The following ELF1 variants were observed in gnomAD, a reference collection of about 807,000 sequenced individuals.
The protein encoded by ELF1 is E74 like ETS transcription factor 1, also known as ETS-related transcription factor Elf-1.
A neutral mutation model predicts 59.9 loss-of-function variants in ELF1; 24 were observed. That is an observed-to-expected ratio of 0.40 (90% CI 0.29 to 0.56). The LOEUF is 0.56. Among genes scored for constraint, ELF1 ranks in the 20% least tolerant of loss-of-function variants. The pLI is 0.44. For missense variants in ELF1, 627 were observed against 742.2 expected (o/e 0.84, Z 1.80); for synonymous variants, 248 against 266.2 (o/e 0.93, Z 0.67).
At chr13:40,964,077 G>T (rs1356898251) in intron 2 of ELF1, among the ~76,000 whole-genome samples, 1 of 152,072 alleles carries the variant, frequency 6.6e-6, no homozygotes, top group Non-Finnish European at 1.5e-5. Context: ...GCTGATCTGG[G>T]CTCATGATGA....
At chr13:41,032,010 T>C (rs1876185228) in intron 1 of ELF1, among the ~76,000 whole-genome samples, 1 of 151,984 alleles carries the variant, frequency 6.6e-6, no homozygotes, top group South Asian at 2.1e-4. Context: ...ATTCTTTTTA[T>C]CTTATAGCAG....
chr13:40,949,032 C>T (rs1240779193), intron 5 of ELF1, among the ~76,000 whole-genome samples: 1 of 152,140 alleles, frequency 6.6e-6, no homozygotes, highest in East Asian at 1.9e-4. Flanking sequence ...GTTGCCCAGG[C>T]TAGAGTTCAA....
rs1871638895 is a variant in ELF1 at position 40,959,021 on chromosome 13, G to A, written c.73-5C>T. The A allele has an allele frequency of 1.2e-6, 2 of 1,608,674 alleles. No individual in the cohort carries two copies. The highest frequency in any genetic ancestry group is 2.2e-5 in the South Asian group (2 of 90,380). On this transcript the variant is annotated splice_polypyrimidine_tract_variant and splice_region_variant and intron_variant, in intron 2 of 8. Coordinates refer to ENST00000239882, the MANE Select transcript of ELF1 (RefSeq NM_172373.4). ...AAAAATAGCTGGATCACCAAGCTGG[G>A]AAGGGTTAGGGAGAGGAAAATGAAA...
At chr13:41,060,892 T>C in exon 1 of ELF1, 1 of 342,426 alleles carries the variant, frequency 2.9e-6, no homozygotes, top group Non-Finnish European at 5.7e-6. Context: ...CACCGCCGCC[T>C]CTGCGCTACT....
At chr13:41,008,867 A>C (rs1396307661) in intron 1 of ELF1, among the ~76,000 whole-genome samples, 1 of 152,226 alleles carries the variant, frequency 6.6e-6, no homozygotes, top group Non-Finnish European at 1.5e-5. Flanking sequence ...AAATATGAGA[A>C]TATAGCTGTC....
At chr13:41,047,999 A>G (rs1376649978) in intron 1 of ELF1, among the ~76,000 whole-genome samples, 1 of 152,182 alleles carries the variant, frequency 6.6e-6, no homozygotes. Context: ...CCCCAGCCTC[A>G]CTGCCACCTT....
chr13:41,040,814 A>G (rs1298210406), intron 1 of ELF1, among the ~76,000 whole-genome samples: 2 of 152,244 alleles, frequency 1.3e-5, no homozygotes, highest in East Asian at 3.9e-4. Context: ...ACAAAGAGTT[A>G]ACAGTACTTA....
rs1871571378 is a variant in ELF1 at position 40,958,159 on chromosome 13, G to A, written c.253+677C>T. The stretch of plus-strand genomic sequence containing the variant: ...AGAGAAAGCATGTACCAATTTCTAA[G>A]TGATGAAAGTATTATTACTACAATC... On this transcript the variant is annotated intron_variant, in intron 3 of 8. Coordinates refer to ENST00000239882, the MANE Select transcript of ELF1 (RefSeq NM_172373.4). 2.0e-5 allele frequency among the ~76,000 whole-genome samples: 3 copies of A among 152,212 alleles called. No homozygotes were observed. The South Asian group carries it at 6.2e-4, about 32-fold the overall frequency.
At chr13:40,944,462 T>C (rs757085143) in intron 5 of ELF1, among the ~76,000 whole-genome samples, 3 of 152,210 alleles carry the variant, frequency 2.0e-5, no homozygotes, top group Non-Finnish European at 4.4e-5. Context: ...AAAATTTTGG[T>C]GAACCACATA....
chr13:40,958,521 C>G (rs1871600124), intron 3 of ELF1, among the ~76,000 whole-genome samples: 1 of 151,082 alleles, frequency 6.6e-6, no homozygotes, highest in African/African-American at 2.4e-5. Context: ...CAGTAAGACT[C>G]CATCTCTTAA....
intron 1 of ELF1, among the ~76,000 whole-genome samples, chr13:41,059,840 C>T (rs1877432889): frequency 6.6e-6 from 1 of 152,198 alleles, no homozygotes; most frequent in Non-Finnish European, 1.5e-5. Flanking sequence ...AGCCCCACCT[C>T]CACCCCAGGA....
intron 2 of ELF1, among the ~76,000 whole-genome samples, chr13:40,972,470 G>A (rs1004881032): frequency 6.6e-6 from 1 of 152,108 alleles, no homozygotes; most frequent in African/African-American, 2.4e-5. Flanking sequence ...AAAACAAAAC[G>A]ATCTGAATGA....
rs367926502 is a variant in ELF1, at chr13:40,942,946, G to C, written c.806+6C>G. ...TAACACAATAAAATACCAAAACTTC[G>C]CATACCTGAGTGCTCTTCCCATGGT... On this transcript the variant is annotated splice_donor_region_variant and intron_variant, in intron 7 of 8. Coordinates refer to ENST00000239882, the MANE Select transcript of ELF1 (RefSeq NM_172373.4). The C allele has an allele frequency of 6.5e-7, 1 of 1,542,650 alleles. No individual in the cohort carries two copies.
At position 41,059,208 on chromosome 13, in the gene ELF1, GT is replaced by G. The variant is rs551073319; in HGVS notation, c.-229+1629del. Among the ~76,000 whole-genome samples the G allele has an allele frequency of 2.4e-3, 368 of 152,346 alleles. 2 individuals carry two copies. The highest frequency in any genetic ancestry group is 8.5e-3 in the African/African-American group (354 of 41,580). ...TATTTAAAATTTGTGAGTGATACGTGTTATCAAAAATGTATGGCTCTAAAGC... is the reference window on the plus strand; with the variant it reads ...TATTTAAAATTTGTGAGTGATACGTGTATCAAAAATGTATGGCTCTAAAGC... On this transcript the variant is annotated intron_variant, in intron 1 of 1. Coordinates refer to the ELF1 transcript ENST00000405737.
At position 40,933,183 on chromosome 13, in the gene ELF1, C is replaced by A; in HGVS notation, c.*242G>T. On this transcript the variant is annotated 3_prime_UTR_variant, in exon 9 of 9. Transcript: ENST00000239882. ...ATGATATAGCAACTGAAATAAAAAT[C>A]TCAAAAGAATGTCTTCATAGTGTAA... is the stretch of plus-strand genomic sequence containing the variant. The A allele has an allele frequency of 2.3e-6, 1 of 435,562 alleles. No individual in the cohort carries two copies. Among genetic ancestry groups the A allele is most frequent in the Non-Finnish European group, 4.0e-6 (1 of 252,692 alleles). The allele number at this position is 435,562 out of a possible 1,614,324, so 27.0% of individuals were successfully genotyped here. A position where few individuals can be genotyped will look rare whatever the true frequency, so the allele number is the denominator to read the frequency against.
chr13:41,016,262 C>T (rs922826369), intron 1 of ELF1, among the ~76,000 whole-genome samples: 1 of 152,114 alleles, frequency 6.6e-6, no homozygotes, highest in African/African-American at 2.4e-5. Context: ...CGATTTCGCA[C>T]CGAATTGAGT....
chr13:41,061,241 C>T (rs1566205885), exon 1 of ELF1: 1 of 242,724 alleles, frequency 4.1e-6, no homozygotes, highest in Non-Finnish European at 8.3e-6. Flanking sequence ...GGAGGCGGCG[C>T]GCTGAGCTCC....
At chr13:40,952,816 C>G (rs1480798323) in intron 3 of ELF1, among the ~76,000 whole-genome samples, 1 of 151,544 alleles carries the variant, frequency 6.6e-6, no homozygotes, top group East Asian at 1.9e-4. Context: ...AATCTTCTTT[C>G]ATCCATACCC....
intron 2 of ELF1, among the ~76,000 whole-genome samples, chr13:40,978,916 A>AGGTTTGTT (rs1873087260): frequency 6.6e-6 from 1 of 152,056 alleles, no homozygotes; most frequent in Admixed American, 6.6e-5. Flanking sequence ...GTACATGTGC[A>AGGTTTGTT]GGTTTGTTAC....
Sources: allele counts gnomAD v4.1 joint callset (sites outside exome capture counted in the v4.1 genomes callset), GRCh38; gene constraint gnomAD v4.1.1; transcripts MANE v1.5; gene names NCBI Gene and HGNC (gene_info 2026-07-23, HGNC 2026-07-21).